The following PI4KB variants were observed in gnomAD, a reference collection of about 807,000 sequenced individuals.
PI4KB encodes phosphatidylinositol 4-kinase beta.
In PI4KB, 23 loss-of-function variants were observed where a neutral mutation model predicts 81.4. The observed-to-expected ratio is 0.28, with a 90% CI of 0.20 to 0.40. The LOEUF is 0.40. Ranked by LOEUF, PI4KB falls within the 10% of genes least tolerant of loss-of-function variation. The pLI, the probability that PI4KB is intolerant of heterozygous loss-of-function variation, is 1.00. For synonymous variants in PI4KB, 381 were observed against 406.8 expected (o/e 0.94, Z 0.76); for missense variants, 651 against 1,036.6 (o/e 0.63, Z 5.11).
chr1:151,307,840 A>G (rs765732430), intron 3 of PI4KB, 39 bp from the exon 4 acceptor site: 6 of 1,459,372 alleles, frequency 4.1e-6, no homozygotes, highest in Non-Finnish European at 5.8e-6. Flanking sequence ...TGGTGAAGAA[A>G]CCATAGAATA....
intron 9 of PI4KB, among the ~76,000 whole-genome samples, chr1:151,296,677 T>C (rs1308594833): frequency 1.3e-5 from 2 of 152,012 alleles, no homozygotes; most frequent in Non-Finnish European, 2.9e-5. Context: ...ACCGTGTTGG[T>C]CATGCTGGTC....
rs75361933 is a variant in PI4KB at position 151,311,860 on chromosome 1, C to A, written c.910-1605G>T. ...CTACTGGGGCTTCCAGTGTGACATG[C>A]GGCAGATTTCTCTGTACAAAGGTTG... On this transcript the variant is annotated intron_variant, in intron 2 of 11. Transcript: ENST00000368873. Among the ~76,000 whole-genome samples, 280 of 152,306 alleles carry A rather than the reference C, an allele frequency of 1.8e-3. 3 individuals carry two copies. The highest frequency in any genetic ancestry group is 6.4e-3 in the African/African-American group (266 of 41,550).
At chr1:151,307,922 A>G (rs1695921259) in intron 3 of PI4KB, 121 bp from the exon 4 acceptor site, 1 of 715,052 alleles carries the variant, frequency 1.4e-6, no homozygotes, top group East Asian at 2.7e-5. Flanking sequence ...ACTCCAGGAA[A>G]GCAGCTGCTT....
intron 11 of PI4KB, chr1:151,293,392 ACACT>A (rs2101899445): frequency 1.5e-6 from 2 of 1,300,976 alleles, no homozygotes; most frequent in Non-Finnish European, 2.0e-6. Flanking sequence ...GCTACGTCTG[ACACT>A]CACAGATGAC....
At chr1:151,305,059 ACCTCAG>A (rs948025570) in intron 5 of PI4KB, among the ~76,000 whole-genome samples, 26 of 152,096 alleles carry the variant, frequency 1.7e-4, no homozygotes, top group African/African-American at 6.3e-4. Context: ...CGAACTCCTG[ACCTCAG>A]GTGATCTGCT....
At chr1:151,299,109 T>C (rs1251295935) in intron 8 of PI4KB, 36 bp from the exon 9 acceptor site, 1 of 1,593,744 alleles carries the variant, frequency 6.3e-7, no homozygotes, top group Admixed American at 1.7e-5. Context: ...GACTCTTATC[T>C]TTCTCCAAAC....
chr1:151,321,700 C>T lies in PI4KB; in HGVS notation c.-28-5191G>A, dbSNP rs1373662337. On this transcript the variant is annotated intron_variant, in intron 1 of 11. Transcript: ENST00000368873. ...CATCCTGGCTAACACAGTGAAACCC[C>T]GTCTCTACTAAAAATACAAAAAATT... Among the ~76,000 whole-genome samples the T allele has an allele frequency of 4.6e-5, 7 of 151,528 alleles. No homozygotes were observed. In the East Asian group the frequency reaches 9.9e-4, roughly 22 times the overall value.
At chr1:151,322,579 G>C (rs1229307866) in intron 1 of PI4KB, among the ~76,000 whole-genome samples, 1 of 151,980 alleles carries the variant, frequency 6.6e-6, no homozygotes, top group Non-Finnish European at 1.5e-5. Context: ...ATATGGATTG[G>C]TTTGCACCAA....
In PI4KB at chr1:151,294,761, T is replaced by C. The variant is rs760406852; in HGVS notation, c.2016-220A>G. Among the ~76,000 whole-genome samples the C allele has an allele frequency of 8.5e-5, 13 of 152,236 alleles. No homozygotes were observed. In the South Asian group the frequency reaches 2.3e-3, roughly 27 times the overall value. On this transcript the variant is annotated intron_variant, in intron 9 of 11. Transcript: ENST00000368873. Reference sequence around the variant, plus strand: ...AACTGCTAACAAAGGCTATGGGGTCTGAAATTGCTATTAATAATTTAATAA... The same window carrying C: ...AACTGCTAACAAAGGCTATGGGGTCCGAAATTGCTATTAATAATTTAATAA...
intron 5 of PI4KB, among the ~76,000 whole-genome samples, chr1:151,305,155 G>A (rs889261942): frequency 6.6e-6 from 1 of 152,150 alleles, no homozygotes; most frequent in African/African-American, 2.4e-5. Flanking sequence ...TAGTGGAGAT[G>A]GAGTTTCACC....
intron 9 of PI4KB, 98 bp from the exon 10 acceptor site, chr1:151,294,639 G>T: frequency 8.5e-7 from 1 of 1,169,978 alleles, no homozygotes. Context: ...CACCAGGGAG[G>T]GGGGTCCCCT....
At chr1:151,315,317 C>T (rs779601391) in intron 2 of PI4KB, among the ~76,000 whole-genome samples, 5 of 152,262 alleles carry the variant, frequency 3.3e-5, no homozygotes, top group East Asian at 1.9e-4. Context: ...CAGTCAGGAG[C>T]GTCAGCCTTG....
chr1:151,303,763 T>C lies in PI4KB; in HGVS notation c.1411-113A>G, dbSNP rs1446260338. On this transcript the variant is annotated intron_variant, in intron 5 of 11. Coordinates refer to ENST00000368873, the MANE Select transcript of PI4KB (RefSeq NM_001369623.2). ...CTCATCCCTCTCTTTCAAACTCTGC[T>C]TACACACCATGTTGGTTACTGGGAC... 4.0e-6 allele frequency: 3 copies of C among 747,446 alleles called. No homozygotes were observed. In the African/African-American group the frequency reaches 5.1e-5, roughly 13 times the overall value. 46.3% of individuals were successfully genotyped at this position (747,446 alleles called of 1,614,324 possible).
intron 2 of PI4KB, among the ~76,000 whole-genome samples, chr1:151,312,487 A>G (rs1381464666): frequency 6.6e-6 from 1 of 152,226 alleles, no homozygotes; most frequent in Non-Finnish European, 1.5e-5. Flanking sequence ...GTCACAAACT[A>G]AACAGTTCCA....
chr1:151,303,679 T>C (rs760495939), intron 5 of PI4KB, 29 bp from the exon 6 acceptor site: 2 of 1,429,502 alleles, frequency 1.4e-6, no homozygotes. Flanking sequence ...TGGTCAGAAG[T>C]GCTAAAGTAT....
chr1:151,319,947 G>C (rs1176234110), intron 1 of PI4KB, among the ~76,000 whole-genome samples: 1 of 152,202 alleles, frequency 6.6e-6, no homozygotes, highest in African/African-American at 2.4e-5. Flanking sequence ...GAATAAGGAG[G>C]CCTAGAGATT....
chr1:151,325,608 C>CT (rs1426609353), intron 1 of PI4KB, among the ~76,000 whole-genome samples: 1 of 152,172 alleles, frequency 6.6e-6, no homozygotes, highest in Non-Finnish European at 1.5e-5. Context: ...AAATCAGCCA[C>CT]TTAATGCACT....
At chr1:151,299,830 T>C (rs764059423) in intron 8 of PI4KB, among the ~76,000 whole-genome samples, 5 of 152,140 alleles carry the variant, frequency 3.3e-5, no homozygotes, top group Non-Finnish European at 7.3e-5. Flanking sequence ...AGAAGATCAA[T>C]ATTTCAGCAC....
At chr1:151,299,166 G>A in intron 8 of PI4KB, 93 bp from the exon 9 acceptor site, 3 of 1,151,620 alleles carry the variant, frequency 2.6e-6, no homozygotes, top group Non-Finnish European at 3.8e-6. Context: ...CTCTCTCCTT[G>A]GTAGCATTGA....
Sources: gnomAD v4.1 joint callset for allele counts (sites outside exome capture counted in the v4.1 genomes callset) on GRCh38, gnomAD v4.1.1 for gene constraint, MANE v1.5 for transcripts, NCBI Gene and HGNC (gene_info 2026-07-23, HGNC 2026-07-21) for gene names.